The following MAGI2 variants were observed in gnomAD, a reference collection of about 807,000 sequenced individuals.
The protein encoded by MAGI2 is membrane associated guanylate kinase, WW and PDZ domain containing 2.
MAGI2 carries 35 observed loss-of-function variants against 133.3 expected under a neutral mutation model. The ratio of observed to expected loss-of-function variants is 0.26; its 90% CI spans 0.20 to 0.35. The LOEUF (loss-of-function observed/expected upper bound fraction) is 0.35. Ranked by LOEUF, MAGI2 falls within the 10% of genes least tolerant of loss-of-function variation. MAGI2 has a pLI of 1.00. For missense variants in MAGI2, 1,636 were observed against 1,863.4 expected (o/e 0.88, Z 2.25); for synonymous variants, 729 against 710.6 (o/e 1.03, Z -0.41).
At chr7:78,289,513 T>C (rs1003916220) in intron 9 of MAGI2, among the ~76,000 whole-genome samples, 1 of 152,176 alleles carries the variant, frequency 6.6e-6, no homozygotes, top group African/African-American at 2.4e-5. Flanking sequence ...TAGAACCAAG[T>C]TGGAAAACAC....
chr7:78,287,612 T>A (rs1411533428), intron 9 of MAGI2, among the ~76,000 whole-genome samples: 1 of 152,192 alleles, frequency 6.6e-6, no homozygotes, highest in African/African-American at 2.4e-5. Flanking sequence ...TCTGTATAGA[T>A]GACTACTGAA....
chr7:78,019,549 G>A lies in MAGI2; in HGVS notation c.4134C>T (p.Cys1378=), dbSNP rs1162168168. The change falls in exon 22 of 22, where the codon TGC becomes TGT. Residue 1378 remains cysteine, a synonymous_variant. Coordinates refer to ENST00000354212, the MANE Select transcript of MAGI2 (RefSeq NM_012301.4). ...APRAAAGSEL[C]RREGPGAAPA... ...GCGCAGCCCCCGGGCCTTCGCGCCGGCAGAGCTCGGAGCCCGCCGCCGCAC... is the reference window on the plus strand; with the variant it reads ...GCGCAGCCCCCGGGCCTTCGCGCCGACAGAGCTCGGAGCCCGCCGCCGCAC... 8 of 980,180 alleles carry A rather than the reference G, an allele frequency of 8.2e-6. No individual in the cohort carries two copies. The highest frequency in any genetic ancestry group is 1.8e-5 in the African/African-American group (1 of 56,454). 60.7% of individuals were successfully genotyped at this position (980,180 alleles called of 1,614,324 possible).
At chr7:78,690,806 T>C (rs1277411727) in intron 2 of MAGI2, among the ~76,000 whole-genome samples, 2 of 152,178 alleles carry the variant, frequency 1.3e-5, no homozygotes, top group East Asian at 1.9e-4. Context: ...CCCTCAAAAA[T>C]ATTTCCTGAA....
intron 3 of MAGI2, among the ~76,000 whole-genome samples, chr7:78,570,568 C>T (rs1801399693): frequency 6.6e-6 from 1 of 152,114 alleles, no homozygotes; most frequent in Non-Finnish European, 1.5e-5. Context: ...GGGGGTGGGA[C>T]TACAGCATGC....
chr7:79,048,469 C>T (rs1170901625), intron 1 of MAGI2, among the ~76,000 whole-genome samples: 3 of 152,200 alleles, frequency 2.0e-5, no homozygotes, highest in African/African-American at 4.8e-5. Context: ...TAACTTCTCC[C>T]TTTTTACTAC....
rs539530296 is a variant in MAGI2 at position 78,041,666 on chromosome 7, C to T, written c.3707-21690G>A. 1.1e-4 allele frequency among the ~76,000 whole-genome samples: 17 copies of T among 152,252 alleles called. No homozygotes were observed. In the East Asian group the frequency reaches 1.2e-3, roughly 10 times the overall value. Reference sequence around the variant, plus strand: ...CTCCAGCATGGGTGACAGAGTGAGACGCTGTTTCAAAAACAAAAAGCAAAA... The same window carrying T: ...CTCCAGCATGGGTGACAGAGTGAGATGCTGTTTCAAAAACAAAAAGCAAAA... On this transcript the variant is annotated intron_variant, in intron 21 of 21. Coordinates refer to ENST00000354212, the MANE Select transcript of MAGI2 (RefSeq NM_012301.4).
chr7:79,135,768 C>CT (rs1821341853), intron 1 of MAGI2, among the ~76,000 whole-genome samples: 2 of 151,752 alleles, frequency 1.3e-5, no homozygotes, highest in African/African-American at 4.8e-5. Flanking sequence ...TAGCAATACT[C>CT]TGTCTCTACA....
At chr7:78,357,673 A>C (rs548719722) in intron 7 of MAGI2, among the ~76,000 whole-genome samples, 4 of 152,310 alleles carry the variant, frequency 2.6e-5, no homozygotes, top group African/African-American at 9.6e-5. Context: ...ATAAGCTTTC[A>C]GAGATTTGTT....
chr7:79,423,056 C>T (rs535793192), intron 1 of MAGI2, among the ~76,000 whole-genome samples: 2 of 151,978 alleles, frequency 1.3e-5, no homozygotes, highest in East Asian at 3.9e-4. Context: ...ACATGGCTGC[C>T]CAATTAAATT....
chr7:78,343,933 G>A lies in MAGI2; in HGVS notation c.1253C>T (p.Ser418Phe), dbSNP rs2151186163. The change falls in exon 9 of 22, where the codon TCC becomes TTC. Residue 418 changes from serine (S) to phenylalanine (F), a missense_variant. Transcript: ENST00000354212. ...REKPLFTRDA[S>F]QLKGTFLSTT... Reference sequence around the variant, plus strand: ...GCTGAGGAATGTTCCCTTCAACTGGGATGCATCCCGGGTGAAGAGTGGTTT... The same window carrying A: ...GCTGAGGAATGTTCCCTTCAACTGGAATGCATCCCGGGTGAAGAGTGGTTT... The A allele has an allele frequency of 6.2e-7, 1 of 1,610,300 alleles. No homozygotes were observed.
At chr7:78,469,887 G>T (rs930175721) in intron 6 of MAGI2, among the ~76,000 whole-genome samples, 5 of 152,022 alleles carry the variant, frequency 3.3e-5, no homozygotes, top group Admixed American at 6.6e-5. Flanking sequence ...TTATTTTTGC[G>T]TGCATGTTTT....
At chr7:79,383,971 C>A (rs2129144831) in intron 1 of MAGI2, among the ~76,000 whole-genome samples, 1 of 151,430 alleles carries the variant, frequency 6.6e-6, no homozygotes, top group South Asian at 2.1e-4. Context: ...TAAATATATT[C>A]TAGGAAGAGA....
intron 2 of MAGI2, among the ~76,000 whole-genome samples, chr7:78,969,754 C>G (rs1803632089): frequency 6.6e-6 from 1 of 152,036 alleles, no homozygotes; most frequent in South Asian, 2.1e-4. Flanking sequence ...CTCGAAATTA[C>G]TGCCTACTTT....
chr7:79,420,719 A>G (rs548657401), intron 1 of MAGI2, among the ~76,000 whole-genome samples: 1 of 152,030 alleles, frequency 6.6e-6, no homozygotes, highest in East Asian at 1.9e-4. Flanking sequence ...ATCATGGTGA[A>G]ATTCATGGTC....
At chr7:78,128,003 A>AC (rs1334668612) in intron 18 of MAGI2, among the ~76,000 whole-genome samples, 5 of 152,150 alleles carry the variant, frequency 3.3e-5, no homozygotes, top group Admixed American at 6.5e-5. Context: ...CCAACTACAA[A>AC]CCAAGTGGCA....
intron 12 of MAGI2, among the ~76,000 whole-genome samples, chr7:78,187,375 A>G (rs1827791690): frequency 6.6e-6 from 1 of 152,148 alleles, no homozygotes; most frequent in Admixed American, 6.6e-5. Flanking sequence ...AGAGGAGGCA[A>G]CTTACAGTTT....
intron 2 of MAGI2, among the ~76,000 whole-genome samples, chr7:78,786,457 C>T (rs1310752059): frequency 2.0e-5 from 3 of 152,172 alleles, no homozygotes; most frequent in Admixed American, 2.0e-4. Flanking sequence ...ATAAAAGTGA[C>T]ATATGAGGCC....
At chr7:79,234,128 T>G (rs1178085544) in intron 1 of MAGI2, among the ~76,000 whole-genome samples, 4 of 140,228 alleles carry the variant, frequency 2.9e-5, no homozygotes, top group Non-Finnish European at 4.6e-5. Context: ...TGGCCCCCAC[T>G]CTCTTCTGGC....
chr7:78,987,545 C>T (rs147228070), intron 2 of MAGI2, among the ~76,000 whole-genome samples: 44 of 152,022 alleles, frequency 2.9e-4, no homozygotes, highest in African/African-American at 1.0e-3. Context: ...TTTCAAGTCA[C>T]GGATTTATCT....
Sources: gnomAD v4.1 joint callset for allele counts (sites outside exome capture counted in the v4.1 genomes callset) on GRCh38, gnomAD v4.1.1 for gene constraint, MANE v1.5 for transcripts, NCBI Gene and HGNC (gene_info 2026-07-23, HGNC 2026-07-21) for gene names.